CEMIP: variants seen among roughly 807,000 people sequenced by gnomAD.
CEMIP encodes cell migration inducing hyaluronidase 1, also known as cell migration-inducing and hyaluronan-binding protein.
In CEMIP, 105 loss-of-function variants were observed where a neutral mutation model predicts 156.9. That is an observed-to-expected ratio of 0.67 (90% confidence interval 0.57 to 0.79). CEMIP has a LOEUF of 0.79. Ranked by LOEUF, CEMIP falls within the 30% of genes least tolerant of loss-of-function variation. CEMIP has a pLI of 0.00. For missense variants in CEMIP, 1,457 were observed against 1,769.4 expected (o/e 0.82, Z 3.17); for synonymous variants, 676 against 668.4 (o/e 1.01, Z -0.17).
rs187005587 is a variant in CEMIP at position 80,868,343 on chromosome 15, T to C, written c.-175-5195T>C. On this transcript the variant is annotated intron_variant, in intron 1 of 29. Transcript: ENST00000394685. ...CTTCCCAGTAAGCCTTGGTGAGAGATAGGCAGGGAGTGGTGTTATTGTTCC... is the reference window on the plus strand; with the variant it reads ...CTTCCCAGTAAGCCTTGGTGAGAGACAGGCAGGGAGTGGTGTTATTGTTCC... Among the ~76,000 whole-genome samples the C allele has an allele frequency of 1.7e-3, 266 of 152,300 alleles. 3 individuals are homozygous for C. The highest frequency in any genetic ancestry group is 6.1e-3 in the African/African-American group (252 of 41,556).
At chr15:80,840,748 C>A (rs2141705840) in intron 1 of CEMIP, among the ~76,000 whole-genome samples, 2 of 152,304 alleles carry the variant, frequency 1.3e-5, no homozygotes, top group South Asian at 2.1e-4. Context: ...GTGCAGGGAC[C>A]ACTGCCGCCT....
intron 1 of CEMIP, among the ~76,000 whole-genome samples, chr15:80,834,936 C>G (rs1237411302): frequency 6.6e-6 from 1 of 151,958 alleles, no homozygotes; most frequent in Non-Finnish European, 1.5e-5. Context: ...GTCTCTTTCT[C>G]AAAAAAATAT....
chr15:80,795,587 C>T (rs1251601497), intron 1 of CEMIP, among the ~76,000 whole-genome samples: 3 of 152,140 alleles, frequency 2.0e-5, no homozygotes, highest in African/African-American at 7.2e-5. Flanking sequence ...CTCCAGGACA[C>T]ACTGGGCACG....
chr15:80,879,707 C>T lies in CEMIP; in HGVS notation c.242-9C>T, dbSNP rs76392735. The T allele has an allele frequency of 2.1e-3, 3,398 of 1,614,166 alleles. 17 individuals are homozygous for T. Among genetic ancestry groups the T allele is most frequent in the African/African-American group, 0.014 (1,057 of 75,038 alleles). On this transcript the variant is annotated splice_polypyrimidine_tract_variant and intron_variant, in intron 4 of 29. Transcript: ENST00000394685. ...GTTATTAAACCTCCCCCCAATGCTACCTCTTCAGGCAAGCTGGTCATTAAA... is the reference window on the plus strand; with the variant it reads ...GTTATTAAACCTCCCCCCAATGCTATCTCTTCAGGCAAGCTGGTCATTAAA...
Position 80,807,664 on chromosome 15 carries a change from A to G in CEMIP, c.-176+28050A>G, listed in dbSNP as rs59992412. 7.9e-3 allele frequency among the ~76,000 whole-genome samples: 1,208 copies of G among 152,350 alleles called. 17 individuals carry two copies. The highest frequency in any genetic ancestry group is 0.027 in the African/African-American group (1,140 of 41,580). On this transcript the variant is annotated intron_variant, in intron 1 of 29. Transcript: ENST00000394685. ...GTGGGAGCCACTGGATCAACTGTTG[A>G]GGGACAGTAAGACATCATAGCTAAA... is the stretch of plus-strand genomic sequence containing the variant.
chr15:80,948,610 C>T (rs1402356759), intron 29 of CEMIP, 187 bp from the exon 30 acceptor site: 8 of 763,190 alleles, frequency 1.0e-5, no homozygotes, highest in African/African-American at 5.1e-5. Context: ...CCCTGCCTGC[C>T]CCATACAAAC....
chr15:80,828,606 G>A (rs900171912), intron 1 of CEMIP, among the ~76,000 whole-genome samples: 7 of 152,158 alleles, frequency 4.6e-5, no homozygotes, highest in African/African-American at 1.7e-4. Flanking sequence ...CTTATATAAT[G>A]AATTTTTTCT....
chr15:80,816,398 C>G (rs1243720684), intron 1 of CEMIP, among the ~76,000 whole-genome samples: 1 of 152,184 alleles, frequency 6.6e-6, no homozygotes, highest in Non-Finnish European at 1.5e-5. Flanking sequence ...GGACCTCTGT[C>G]TGCTTCCTAC....
At chr15:80,801,165 A>G (rs1896366119) in intron 1 of CEMIP, among the ~76,000 whole-genome samples, 2 of 152,252 alleles carry the variant, frequency 1.3e-5, no homozygotes, top group South Asian at 4.1e-4. Flanking sequence ...CCAATGTATC[A>G]GTAAGCTATT....
At chr15:80,919,990 A>G in intron 14 of CEMIP, 104 bp from the exon 15 acceptor site, 1 of 1,035,590 alleles carries the variant, frequency 9.7e-7, no homozygotes, top group Non-Finnish European at 1.5e-6. Context: ...TGTTTGCTGA[A>G]TGAATGAATG....
At chr15:80,895,807 G>A in intron 11 of CEMIP, 62 bp from the exon 12 acceptor site, 2 of 1,521,258 alleles carry the variant, frequency 1.3e-6, no homozygotes, top group Admixed American at 1.7e-5. Flanking sequence ...GAAAAAAGAG[G>A]TAGCCAAAAG....
At chr15:80,846,060 C>T (rs1280632088) in intron 1 of CEMIP, among the ~76,000 whole-genome samples, 2 of 152,200 alleles carry the variant, frequency 1.3e-5, no homozygotes, top group Non-Finnish European at 1.5e-5. Flanking sequence ...TTTACCCACC[C>T]ACCTCAGTGT....
intron 26 of CEMIP, 43 bp from the exon 27 acceptor site, chr15:80,942,208 T>C (rs1901367306): frequency 6.4e-7 from 1 of 1,555,404 alleles, no homozygotes; most frequent in South Asian, 1.1e-5. Context: ...GGGGAATGAC[T>C]ACCCAAACCT....
chr15:80,827,850 A>T (rs905809661), intron 1 of CEMIP, among the ~76,000 whole-genome samples: 1 of 152,168 alleles, frequency 6.6e-6, no homozygotes, highest in Admixed American at 6.5e-5. Flanking sequence ...TGGCAAAATT[A>T]ATTTACTGTC....
intron 1 of CEMIP, among the ~76,000 whole-genome samples, chr15:80,857,359 C>G (rs1897877808): frequency 6.6e-6 from 1 of 152,230 alleles, no homozygotes; most frequent in African/African-American, 2.4e-5. Flanking sequence ...GGCTGCACGC[C>G]TGTCTCAGGG....
At chr15:80,869,840 T>C (rs565329772) in intron 1 of CEMIP, among the ~76,000 whole-genome samples, 42 of 152,316 alleles carry the variant, frequency 2.8e-4, no homozygotes, top group African/African-American at 1.0e-3. Context: ...ATGTTCACAA[T>C]GAGAAGGCAC....
intron 25 of CEMIP, among the ~76,000 whole-genome samples, 185 bp from the exon 26 acceptor site, chr15:80,941,664 T>C (rs891035378): frequency 2.6e-5 from 4 of 152,184 alleles, no homozygotes; most frequent in Non-Finnish European, 5.9e-5. Context: ...ATTAGCTTTT[T>C]CTTCAATGCA....
intron 1 of CEMIP, among the ~76,000 whole-genome samples, chr15:80,827,655 A>G (rs1897069592): frequency 6.6e-6 from 1 of 152,196 alleles, no homozygotes. Context: ...TTCCCCCAGG[A>G]AAATCCATTG....
At position 80,948,917 on chromosome 15, in the gene CEMIP, A is replaced by T; in HGVS notation, c.4079A>T (p.Lys1360Met). ...VVPIPVVKKK[K>M]L is the part of the protein sequence containing the mutation. ...CCCATCCCTGTGGTGAAGAAGAAGAAGTTGTGAGGACAGCTGCCGCCCGGT... is the reference window on the plus strand; with the variant it reads ...CCCATCCCTGTGGTGAAGAAGAAGATGTTGTGAGGACAGCTGCCGCCCGGT... The change falls in exon 30 of 30, where the codon AAG becomes ATG. Residue 1360 changes from lysine to methionine, a missense_variant. Lys to Met is a moderately conservative substitution (Grantham distance 95, BLOSUM62 -1). Coordinates refer to ENST00000394685, the MANE Select transcript of CEMIP (RefSeq NM_001293298.2). 6.2e-7 allele frequency: 1 copy of T among 1,612,132 alleles called. No homozygotes were observed. Among genetic ancestry groups the T allele is most frequent in the Non-Finnish European group, 8.5e-7 (1 of 1,178,098 alleles).
Sources: allele counts gnomAD v4.1 joint callset (sites outside exome capture counted in the v4.1 genomes callset), GRCh38; gene constraint gnomAD v4.1.1; transcripts MANE v1.5; gene names NCBI Gene and HGNC (gene_info 2026-07-23, HGNC 2026-07-21).